Variants in LSS observed in about 807,000 individuals in gnomAD.
The protein encoded by LSS is lanosterol synthase, also known as 2,3-epoxysqualene-lanosterol cyclase.
In LSS, 90 loss-of-function variants were observed where a neutral mutation model predicts 110.3. That is an observed-to-expected ratio of 0.82 (90% CI 0.69 to 0.97). LSS has a LOEUF of 0.97. LSS is among the 50% of genes least tolerant of loss of function. The pLI is 0.00. For missense variants in LSS, 927 were observed against 990.0 expected, an observed-to-expected ratio of 0.94 and a Z score of 0.85; for synonymous variants, 433 against 400.0, an observed-to-expected ratio of 1.08 and a Z score of -0.98.
chr21:46,210,827 G>C, intron 11 of LSS, 83 bp from the exon 12 acceptor site: 1 of 1,365,330 alleles, frequency 7.3e-7, no homozygotes, highest in Non-Finnish European at 1.0e-6. Context: ...ATGGGCGCCT[G>C]AGGGCCAGGT....
chr21:46,189,960 C>A lies in LSS; in HGVS notation c.*1144G>T. On this transcript the variant is annotated 3_prime_UTR_variant, in exon 22 of 22. Coordinates refer to ENST00000397728, the MANE Select transcript of LSS (RefSeq NM_002340.6). Reference sequence around the variant, plus strand: ...CTACATCCATGCAAGCCAGACCAGACTGGGTCAGAGGCTAGAAGGGAGCTC... The same window carrying A: ...CTACATCCATGCAAGCCAGACCAGAATGGGTCAGAGGCTAGAAGGGAGCTC... The A allele has an allele frequency of 3.0e-6, 1 of 336,770 alleles. No homozygotes were observed. Among genetic ancestry groups the A allele is most frequent in the South Asian group, 2.1e-5 (1 of 46,518 alleles). The allele number at this position is 336,770 out of a possible 1,614,324, so 20.9% of individuals were successfully genotyped here.
rs1232190514 is a variant in LSS, at chr21:46,194,600, C to G, written c.1879G>C (p.Gly627Arg). The stretch of plus-strand genomic sequence containing the variant: ...GACTCAAAGTCCTCCCCCCAGCCTC[C>G]GTCTGCCATCTGCCGGGACAGCAGG... ...DFLLSRQMAD[G>R]GWGEDFESCE... The change falls in exon 20 of 22, where the codon GGA becomes CGA. Residue 627 changes from glycine to arginine, a missense_variant. Coordinates refer to ENST00000397728, the MANE Select transcript of LSS (RefSeq NM_002340.6). The G allele has an allele frequency of 1.2e-6, 2 of 1,613,692 alleles. No individual in the cohort carries two copies. Among genetic ancestry groups the G allele is most frequent in the Non-Finnish European group, 1.7e-6 (2 of 1,180,028 alleles).
chr21:46,227,852 T>A (rs1239624064), intron 2 of LSS, among the ~76,000 whole-genome samples, 162 bp from the exon 3 acceptor site: 1 of 152,258 alleles, frequency 6.6e-6, no homozygotes, highest in African/African-American at 2.4e-5. Flanking sequence ...GATGAGAGCA[T>A]CACACCTCAG....
Position 46,213,753 on chromosome 21 carries a change from A to T in LSS, c.1094T>A (p.Ile365Asn). The T allele has an allele frequency of 1.2e-6, 2 of 1,613,868 alleles. No homozygotes were observed. Among genetic ancestry groups the T allele is most frequent in the Non-Finnish European group, 1.7e-6 (2 of 1,179,898 alleles). The change falls in exon 10 of 22, where the codon ATC becomes AAC. Residue 365 changes from isoleucine to asparagine, a missense_variant. Ile to Asn is a moderately radical substitution (Grantham distance 149). Coordinates refer to ENST00000397728, the MANE Select transcript of LSS (RefSeq NM_002340.6). ...STAFQEHVSR[I>N]PDYLWMGLDG... ...CCACACTCACCAGAGATAGTCCGGG[A>T]TTCTGGAGACATGCTCCTGGAAGGC...
Position 46,190,963 on chromosome 21 carries a change from C to G in LSS, c.*141G>C. ...CCCTGTCCCCATCCCTGCCTCCAGC[C>G]TGGCCCCCAGATTCACATCTATGAG... On this transcript the variant is annotated 3_prime_UTR_variant, in exon 22 of 22. Transcript: ENST00000397728. This position sits in a 1 kb window ranked among gnomAD's most constrained non-coding sequence, Gnocchi z 4.6. 1.0e-6 allele frequency: 1 copy of G among 990,962 alleles called. No individual in the cohort carries two copies. Among genetic ancestry groups the G allele is most frequent in the Non-Finnish European group, 1.5e-6 (1 of 677,964 alleles). 61.4% of individuals were successfully genotyped at this position (990,962 alleles called of 1,614,324 possible). A position where few individuals can be genotyped will look rare whatever the true frequency, so the allele number is the denominator to read the frequency against.
chr21:46,216,437 G>C lies in LSS; in HGVS notation c.735C>G (p.Ala245=). Residue 245 remains alanine, a synonymous_variant, in exon 7 of 22, where the codon GCC becomes GCG. Coordinates refer to ENST00000397728, the MANE Select transcript of LSS (RefSeq NM_002340.6). The surrounding 1 kb of genome is among the most constrained non-coding windows in gnomAD (Gnocchi z 4.2). ...QVYLPMSYCY[A]VRLSAAEDPL... Reference sequence around the variant, plus strand: ...GGTCTTCCGCGGCACTCAGCCGAACGGCGTAGCAGTAGCTCATGGGCAGGT... The same window carrying C: ...GGTCTTCCGCGGCACTCAGCCGAACCGCGTAGCAGTAGCTCATGGGCAGGT... 4 of 1,613,834 alleles carry C rather than the reference G, an allele frequency of 2.5e-6. No homozygotes were observed. Among genetic ancestry groups the C allele is most frequent in the Non-Finnish European group, 3.4e-6 (4 of 1,180,016 alleles).
In LSS at chr21:46,227,496, A is replaced by G. The variant is rs2080356074; in HGVS notation, c.319+56T>C. 3.1e-6 allele frequency: 5 copies of G among 1,601,612 alleles called. 1 individual carries two copies. The South Asian group carries it at 5.6e-5, about 18-fold the overall frequency. The stretch of plus-strand genomic sequence containing the variant: ...AAACCCTAGACCAGGCTGGGCCAGG[A>G]TCCCAAGGGTGATCCAGGGTGGCCA... On this transcript the variant is annotated intron_variant, in intron 3 of 21. Coordinates refer to ENST00000397728, the MANE Select transcript of LSS (RefSeq NM_002340.6).
In LSS at chr21:46,207,883, G is replaced by A. The variant is rs139902255; in HGVS notation, c.1318-306C>T. On this transcript the variant is annotated intron_variant, in intron 14 of 21. Transcript: ENST00000397728. ...AACAGGCAGCAGCAGCTGGGTCCATGCCTAATTTCACAGTCTGCACCTGTG... is the reference window on the plus strand; with the variant it reads ...AACAGGCAGCAGCAGCTGGGTCCATACCTAATTTCACAGTCTGCACCTGTG... 5.4e-3 allele frequency among the ~76,000 whole-genome samples: 830 copies of A among 152,338 alleles called. 9 individuals carry two copies. Among genetic ancestry groups the A allele is most frequent in the Non-Finnish European group, 7.6e-3 (517 of 68,028 alleles).
chr21:46,219,621 G>C, intron 5 of LSS, 49 bp from the exon 6 acceptor site: 1 of 1,213,636 alleles, frequency 8.2e-7, no homozygotes, highest in South Asian at 1.5e-5. Flanking sequence ...TGTCAGCAAA[G>C]TCTGCACTGC....
intron 17 of LSS, among the ~76,000 whole-genome samples, chr21:46,200,984 T>A (rs1031813602): frequency 1.3e-5 from 2 of 152,188 alleles, no homozygotes; most frequent in African/African-American, 4.8e-5. Context: ...TGGGCCTGGA[T>A]CATGTGGGAA....
intron 16 of LSS, 85 bp from the exon 17 acceptor site, chr21:46,206,026 G>A (rs1046067448): frequency 2.8e-6 from 3 of 1,061,994 alleles, no homozygotes; most frequent in South Asian, 1.4e-5. Context: ...CAACAAGCAA[G>A]AGTGTTGCAG....
chr21:46,202,089 C>T (rs984604149), intron 17 of LSS, among the ~76,000 whole-genome samples: 7 of 144,046 alleles, frequency 4.9e-5, no homozygotes, highest in African/African-American at 1.8e-4. Context: ...CCACTGCGCC[C>T]GGCAAGTTTA....
At chr21:46,223,291 C>T (rs756524673) in intron 3 of LSS, among the ~76,000 whole-genome samples, 1 of 152,200 alleles carries the variant, frequency 6.6e-6, no homozygotes, top group Non-Finnish European at 1.5e-5. Flanking sequence ...CACTAAGAAC[C>T]TTCCGTCCCC....
rs2079772689 is a variant in LSS, at chr21:46,189,395, C to T, written c.*1709G>A. ...TGCAAACCTGACAGATGTCAAGGGT[C>T]CCAACACAGTTCCTTCAGCGAAAAT... On this transcript the variant is annotated 3_prime_UTR_variant, in exon 22 of 22. Coordinates refer to ENST00000397728, the MANE Select transcript of LSS (RefSeq NM_002340.6). 8.4e-5 allele frequency: 27 copies of T among 321,142 alleles called. No individual in the cohort carries two copies. The highest frequency in any genetic ancestry group is 6.1e-4 in the South Asian group (25 of 40,984). 19.9% of individuals were successfully genotyped at this position (321,142 alleles called of 1,614,324 possible).
At position 46,208,398 on chromosome 21, in the gene LSS, G is replaced by A. The variant is rs73384696; in HGVS notation, c.1267-97C>T. On this transcript the variant is annotated intron_variant, in intron 13 of 21. Coordinates refer to ENST00000397728, the MANE Select transcript of LSS (RefSeq NM_002340.6). ...CTGAGACAGACTGGGCAGGACTGGAGAGGCAGAACGTGCCTGGGAGCTTAC... is the reference window on the plus strand; with the variant it reads ...CTGAGACAGACTGGGCAGGACTGGAAAGGCAGAACGTGCCTGGGAGCTTAC... 1,360 of 1,099,572 alleles carry A rather than the reference G, an allele frequency of 1.2e-3. 17 individuals carry two copies. In the African/African-American group the frequency reaches 0.018, roughly 14 times the overall value. The allele number at this position is 1,099,572 out of a possible 1,614,324, so 68.1% of individuals were successfully genotyped here.
chr21:46,223,859 C>A (rs560313191), intron 3 of LSS, among the ~76,000 whole-genome samples: 1 of 152,164 alleles, frequency 6.6e-6, no homozygotes, highest in South Asian at 2.1e-4. Flanking sequence ...CGTTGCCGAG[C>A]GGACGGTGGT....
chr21:46,213,121 T>TCCTGAGTGCAGGGTCTGG, intron 10 of LSS, 69 bp from the exon 11 acceptor site: 6 of 1,489,602 alleles, frequency 4.0e-6, no homozygotes, highest in Non-Finnish European at 5.6e-6. Context: ...ACCCAGACCC[T>TCCTGAGTGCAGGGTCTGG]GCACTCAGGA....
In LSS at chr21:46,215,789, A is replaced by G; in HGVS notation, c.788T>C (p.Leu263Pro). ...DPLVQSLRQE[L>P]YVEDFASIDW... Reference sequence around the variant, plus strand: ...AATGCTGGCGAAGTCCTCCACATAGAGCTCCTGGTGGGGGCAGTGTCTGAG... The same window carrying G: ...AATGCTGGCGAAGTCCTCCACATAGGGCTCCTGGTGGGGGCAGTGTCTGAG... The change falls in exon 8 of 22, where the codon CTC (leucine) becomes CCC (proline). Residue 263 changes from leucine (L) to proline (P), a missense_variant. Leu to Pro is a moderately conservative substitution (Grantham distance 98, BLOSUM62 -3). Transcript: ENST00000397728. 3 of 1,606,114 alleles carry G rather than the reference A, an allele frequency of 1.9e-6. No individual in the cohort carries two copies. The highest frequency in any genetic ancestry group is 2.6e-6 in the Non-Finnish European group (3 of 1,174,354).
In LSS at chr21:46,228,582, C is replaced by A. The variant is rs1314473609; in HGVS notation, c.32G>T (p.Gly11Val). The change falls in exon 2 of 22, where the codon GGG becomes GTG. Residue 11 changes from glycine (G) to valine (V), a missense_variant. Gly to Val is a moderately radical substitution (Grantham distance 109). Coordinates refer to ENST00000397728, the MANE Select transcript of LSS (RefSeq NM_002340.6). MTEGTCLRRRGGPYKTEPATD... is the reference protein window; with the variant it reads MTEGTCLRRRVGPYKTEPATD... ...GGCGGGCTCGGTCTTGTAGGGGCCCCCTCGGCGCCGCAGACACCTGAGGAC... is the reference window on the plus strand; with the variant it reads ...GGCGGGCTCGGTCTTGTAGGGGCCCACTCGGCGCCGCAGACACCTGAGGAC... The A allele has an allele frequency of 1.3e-6, 2 of 1,592,026 alleles. No individual in the cohort carries two copies. Among genetic ancestry groups the A allele is most frequent in the Non-Finnish European group, 1.7e-6 (2 of 1,176,026 alleles).
Sources: gnomAD v4.1 joint callset for allele counts (sites outside exome capture counted in the v4.1 genomes callset) on GRCh38, gnomAD v4.1.1 for gene constraint, Gnocchi (gnomAD v3.1) non-coding constraint, MANE v1.5 for transcripts, NCBI Gene and HGNC (gene_info 2026-07-23, HGNC 2026-07-21) for gene names.